The following ULK4 variants were observed in gnomAD, a reference collection of about 807,000 sequenced individuals.
The protein encoded by ULK4 is unc-51 like kinase 4, also known as inactive serine/threonine-protein kinase ULK4.
ULK4 carries 133 observed loss-of-function variants against 160.6 expected under a neutral mutation model. The observed-to-expected ratio is 0.83, with a 90% CI of 0.72 to 0.96. The LOEUF (loss-of-function observed/expected upper bound fraction) is 0.96. Among genes scored for constraint, ULK4 ranks in the 40% least tolerant of loss-of-function variants. The pLI, the probability that ULK4 is intolerant of heterozygous loss-of-function variation, is 0.00. For synonymous variants in ULK4, 534 were observed against 539.8 expected (o/e 0.99, Z 0.15); for missense variants, 1,580 against 1,499.5 (o/e 1.05, Z -0.89).
intron 2 of ULK4, among the ~76,000 whole-genome samples, chr3:41,946,801 G>C (rs1700125678): frequency 6.6e-6 from 1 of 152,166 alleles, no homozygotes; most frequent in East Asian, 1.9e-4. Flanking sequence ...AGTTTTACAG[G>C]AGAGGGTGGC....
At chr3:41,424,569 G>A (rs543952502) in intron 34 of ULK4, among the ~76,000 whole-genome samples, 1 of 152,302 alleles carries the variant, frequency 6.6e-6, no homozygotes, top group Non-Finnish European at 1.5e-5. Flanking sequence ...AAAAGGAGCA[G>A]GCAGCCATCT....
rs932980700 is a variant in ULK4 at position 41,290,511 on chromosome 3, A to G, written c.3679-40937T>C. Among the ~76,000 whole-genome samples, 3 of 152,156 alleles carry G rather than the reference A, an allele frequency of 2.0e-5. No individual in the cohort carries two copies. In the East Asian group the frequency reaches 5.8e-4, roughly 29 times the overall value. ...TATAGTGCTTCTCTACTAGGCTTGC[A>G]TCATCTTCTACTGGCTTCCACCCCT... On this transcript the variant is annotated intron_variant, in intron 35 of 36. Coordinates refer to ENST00000301831, the MANE Select transcript of ULK4 (RefSeq NM_017886.4).
chr3:41,816,217 T>C (rs1226265014), intron 19 of ULK4, among the ~76,000 whole-genome samples: 2 of 152,032 alleles, frequency 1.3e-5, no homozygotes, highest in Non-Finnish European at 2.9e-5. Flanking sequence ...TAAATGCACA[T>C]GCACATGAAT....
At position 41,715,494 on chromosome 3, in the gene ULK4, A is replaced by T. The variant is rs61744385; in HGVS notation, c.2530T>A (p.Leu844Met). The T allele has an allele frequency of 0.18, 297,937 of 1,613,282 alleles. 32,107 individuals carry two copies. Among genetic ancestry groups the T allele is most frequent in the African/African-American group, 0.5 (37,056 of 74,764 alleles). ...ACTACAGGCATCAGGGGGAGACACAACTTCAGCTGTTTCACTTGAACTGTT... is the reference window on the plus strand; with the variant it reads ...ACTACAGGCATCAGGGGGAGACACATCTTCAGCTGTTTCACTTGAACTGTT... ...PSTVQVKQLK[L>M]CLPLMPVVLH... Residue 844 changes from leucine to methionine, a missense_variant, in exon 24 of 37, where the codon TTG becomes ATG. By Grantham distance (15) the Leu-to-Met change is conservative. Coordinates refer to ENST00000301831, the MANE Select transcript of ULK4 (RefSeq NM_017886.4).
At chr3:41,798,829 G>A (rs140453603) in intron 20 of ULK4, among the ~76,000 whole-genome samples, 212 of 152,114 alleles carry the variant, frequency 1.4e-3, no homozygotes, top group African/African-American at 4.9e-3. Context: ...TTGAGAGTCA[G>A]GAAAGGGCAA....
rs553465031 is a variant in ULK4, at chr3:41,814,136, G to A, written c.1848+5287C>T. Among the ~76,000 whole-genome samples the A allele has an allele frequency of 2.0e-5, 3 of 152,302 alleles. No homozygotes were observed. In the South Asian group the frequency reaches 6.2e-4, roughly 32 times the overall value. On this transcript the variant is annotated intron_variant, in intron 19 of 36. Transcript: ENST00000301831. ...GTCTGCTCGCAGGGGAGGCTCCAAA[G>A]TTTGGCTTTGCTGGGTTTGACATGT...
chr3:41,783,944 TAA>T (rs1243050345), intron 21 of ULK4, among the ~76,000 whole-genome samples: 1 of 151,828 alleles, frequency 6.6e-6, no homozygotes, highest in African/African-American at 2.4e-5. Context: ...ACTAGAAAAA[TAA>T]AAGAGTTTGG....
chr3:41,544,314 C>T (rs1457880670), intron 32 of ULK4, among the ~76,000 whole-genome samples: 2 of 152,194 alleles, frequency 1.3e-5, no homozygotes, highest in Admixed American at 6.5e-5. Context: ...AACAACTGGC[C>T]AGACATTTCC....
At chr3:41,943,084 G>A (rs1700009070) in intron 2 of ULK4, among the ~76,000 whole-genome samples, 1 of 151,328 alleles carries the variant, frequency 6.6e-6, no homozygotes, top group Admixed American at 6.6e-5. Context: ...ATGGTGGTGG[G>A]CACCTGTAGT....
At chr3:41,700,351 T>C (rs2036632737) in intron 27 of ULK4, among the ~76,000 whole-genome samples, 1 of 152,112 alleles carries the variant, frequency 6.6e-6, no homozygotes, top group East Asian at 1.9e-4. Flanking sequence ...TACAGAGTTT[T>C]ATGAGTCACC....
intron 35 of ULK4, among the ~76,000 whole-genome samples, chr3:41,303,092 T>C (rs1362421076): frequency 1.3e-5 from 2 of 152,212 alleles, no homozygotes; most frequent in East Asian, 3.8e-4. Context: ...AATGAGCAAC[T>C]GTTATAACTT....
At chr3:41,494,407 T>C in intron 32 of ULK4, among the ~76,000 whole-genome samples, 1 of 141,418 alleles carries the variant, frequency 7.1e-6, no homozygotes, top group Non-Finnish European at 1.5e-5. Context: ...TCTCAATAAA[T>C]TAGGTATTGA....
At chr3:41,895,437 C>T in intron 16 of ULK4, 81 bp downstream of exon 16, 1 of 790,262 alleles carries the variant, frequency 1.3e-6, no homozygotes, top group South Asian at 2.3e-5. Context: ...TTATTTAGGA[C>T]TCTGCTTTTG....
At chr3:41,483,781 T>C (rs375450178) in intron 32 of ULK4, among the ~76,000 whole-genome samples, 1 of 152,110 alleles carries the variant, frequency 6.6e-6, no homozygotes, top group Admixed American at 6.5e-5. Context: ...TCCTGTAATA[T>C]CCAAGTGGGA....
Position 41,291,916 on chromosome 3 carries a change from C to T in ULK4, c.3679-42342G>A, listed in dbSNP as rs190983661. Among the ~76,000 whole-genome samples the T allele has an allele frequency of 8.5e-4, 129 of 151,768 alleles. 1 individual carries two copies. Among genetic ancestry groups the T allele is most frequent in the Admixed American group, 1.6e-3 (25 of 15,258 alleles). ...CGCAATCTCGGCTCACTGCAAGCTC[C>T]GCCTCCCGGGTTCATGCCATTATCC... On this transcript the variant is annotated intron_variant, in intron 35 of 36. Transcript: ENST00000301831.
At chr3:41,673,574 C>CA (rs2035607012) in intron 29 of ULK4, among the ~76,000 whole-genome samples, 1 of 152,124 alleles carries the variant, frequency 6.6e-6, no homozygotes, top group South Asian at 2.1e-4. Flanking sequence ...GGGCTGTACT[C>CA]ATTTTCCCCG....
chr3:41,922,015 T>C (rs1699202359), intron 5 of ULK4, among the ~76,000 whole-genome samples: 1 of 151,904 alleles, frequency 6.6e-6, no homozygotes, highest in African/African-American at 2.4e-5. Context: ...CAGCTAGGCA[T>C]GGTAGTGCAT....
At chr3:41,939,917 T>C (rs1487513436) in intron 2 of ULK4, among the ~76,000 whole-genome samples, 2 of 152,198 alleles carry the variant, frequency 1.3e-5, no homozygotes, top group African/African-American at 4.8e-5. Flanking sequence ...CCTGATGATC[T>C]GAGGTGGAAC....
At chr3:41,922,969 C>T (rs1255589510) in intron 5 of ULK4, among the ~76,000 whole-genome samples, 3 of 151,800 alleles carry the variant, frequency 2.0e-5, no homozygotes, top group Admixed American at 6.6e-5. Context: ...GTCAGGAGTT[C>T]GAGACTAGCC....
Sources: gnomAD v4.1 joint callset for allele counts (sites outside exome capture counted in the v4.1 genomes callset) on GRCh38, gnomAD v4.1.1 for gene constraint, MANE v1.5 for transcripts, NCBI Gene and HGNC (gene_info 2026-07-23, HGNC 2026-07-21) for gene names.